The following UBR3 variants were observed in gnomAD, a reference collection of about 807,000 sequenced individuals.
The protein encoded by UBR3 is ubiquitin protein ligase E3 component n-recognin 3, also known as E3 ubiquitin-protein ligase UBR3.
UBR3 carries 85 observed loss-of-function variants against 243.2 expected under a neutral mutation model. The observed-to-expected ratio is 0.35, with a 90% CI of 0.29 to 0.42. The LOEUF (loss-of-function observed/expected upper bound fraction) is 0.42, where lower values mean the gene tolerates loss of function less well. Among genes scored for constraint, UBR3 ranks in the 10% least tolerant of loss-of-function variants. The probability of loss-of-function intolerance (pLI) is 1.00; values close to 1 mark genes in which losing one functional copy is unlikely to be tolerated. For synonymous variants in UBR3, 748 were observed against 799.8 expected, an observed-to-expected ratio of 0.94 and a Z score of 1.09; for missense variants, 1,686 against 2,300.8, an observed-to-expected ratio of 0.73 and a Z score of 5.47.
chr2:169,915,509 T>C (rs1009195529), intron 11 of UBR3, among the ~76,000 whole-genome samples: 20 of 152,222 alleles, frequency 1.3e-4, no homozygotes, highest in Admixed American at 3.9e-4. Context: ...GTGCTGGGAT[T>C]ACCAGTGTGA....
intron 32 of UBR3, among the ~76,000 whole-genome samples, chr2:170,048,362 A>C (rs1294788413): frequency 6.6e-6 from 1 of 152,228 alleles, no homozygotes; most frequent in African/African-American, 2.4e-5. Context: ...TCAGAGGGTC[A>C]AAACCTCACT....
intron 10 of UBR3, among the ~76,000 whole-genome samples, chr2:169,909,450 T>G (rs1185158398): frequency 6.6e-6 from 1 of 152,134 alleles, no homozygotes; most frequent in Non-Finnish European, 1.5e-5. Context: ...CTGAAAAAGT[T>G]GAGCTTATAG....
At chr2:169,958,970 C>T (rs1351602425) in intron 24 of UBR3, among the ~76,000 whole-genome samples, 1 of 152,130 alleles carries the variant, frequency 6.6e-6, no homozygotes, top group Non-Finnish European at 1.5e-5. Context: ...AGAATTTATA[C>T]AGTGAGAGAG....
chr2:169,866,981 T>G (rs908576348), intron 1 of UBR3, among the ~76,000 whole-genome samples: 4 of 152,228 alleles, frequency 2.6e-5, no homozygotes, highest in African/African-American at 4.8e-5. Context: ...GTAACTTTCA[T>G]TAGATTCTCA....
At chr2:170,020,062 T>A (rs1481482412) in intron 30 of UBR3, among the ~76,000 whole-genome samples, 2 of 152,224 alleles carry the variant, frequency 1.3e-5, no homozygotes, top group African/African-American at 2.4e-5. Flanking sequence ...ATTATAGGCA[T>A]GAACCACTAT....
intron 8 of UBR3, among the ~76,000 whole-genome samples, chr2:169,899,689 G>C (rs4668179): frequency 0.98 from 148,385 of 152,026 alleles, 72,507 homozygotes; most frequent in East Asian, 1. Context: ...TGTGATGTCC[G>C]CCTCCCTGTG....
At position 169,884,915 on chromosome 2, in the gene UBR3, A is replaced by G. The variant is rs2084031499; in HGVS notation, c.1039-6250A>G. 2.6e-5 allele frequency among the ~76,000 whole-genome samples: 4 copies of G among 152,352 alleles called. 1 individual carries two copies. Among genetic ancestry groups the G allele is most frequent in the Admixed American group, 2.0e-4 (3 of 15,300 alleles). On this transcript the variant is annotated intron_variant, in intron 5 of 38. Coordinates refer to ENST00000272793, the MANE Select transcript of UBR3 (RefSeq NM_172070.4). ...ATAGAATAGATTAAGGTGAAAATAG[A>G]TGAAGGGATAAGATAGATGGAAAGA...
At chr2:170,075,266 CT>C (rs2091783135) in intron 36 of UBR3, among the ~76,000 whole-genome samples, 1 of 151,948 alleles carries the variant, frequency 6.6e-6, no homozygotes, top group African/African-American at 2.4e-5. Context: ...ATCTTCCTGT[CT>C]AGTAATTTCT....
intron 1 of UBR3, among the ~76,000 whole-genome samples, chr2:169,862,404 G>A (rs997469474): frequency 6.6e-6 from 1 of 152,062 alleles, no homozygotes; most frequent in Admixed American, 6.6e-5. Flanking sequence ...AATATGTATA[G>A]GTGAATTTGG....
At chr2:169,868,196 A>G (rs2083320457) in intron 1 of UBR3, among the ~76,000 whole-genome samples, 1 of 152,174 alleles carries the variant, frequency 6.6e-6, no homozygotes, top group African/African-American at 2.4e-5. Flanking sequence ...CAGTTTCAAC[A>G]AGTAGCAATT....
At chr2:169,922,372 A>G (rs1175601826) in intron 11 of UBR3, among the ~76,000 whole-genome samples, 3 of 151,784 alleles carry the variant, frequency 2.0e-5, no homozygotes, top group Non-Finnish European at 2.9e-5. Flanking sequence ...TGACTTAGCT[A>G]GTTAGTGTAG....
intron 35 of UBR3, among the ~76,000 whole-genome samples, chr2:170,062,504 TAG>T (rs988213006): frequency 1.3e-5 from 2 of 152,236 alleles, no homozygotes; most frequent in African/African-American, 2.4e-5. Flanking sequence ...ACATTCTTTT[TAG>T]AGTTATAAGA....
chr2:170,081,086 C>T (rs771069611), intron 38 of UBR3, among the ~76,000 whole-genome samples: 8 of 152,004 alleles, frequency 5.3e-5, no homozygotes, highest in Non-Finnish European at 8.8e-5. Flanking sequence ...CCCAGCAACT[C>T]GGGAGGAGGT....
At chr2:169,937,092 A>G (rs559305078) in intron 19 of UBR3, among the ~76,000 whole-genome samples, 55 of 152,326 alleles carry the variant, frequency 3.6e-4, no homozygotes, top group Non-Finnish European at 4.7e-4. Context: ...TTGAGGAATC[A>G]CCACACTGAC....
chr2:169,946,832 A>T (rs1488575072), intron 21 of UBR3, among the ~76,000 whole-genome samples: 2 of 152,232 alleles, frequency 1.3e-5, no homozygotes, highest in South Asian at 4.1e-4. Context: ...TTGATTAGGG[A>T]TTATTTTTGA....
At position 169,986,793 on chromosome 2, in the gene UBR3, A is replaced by T. The variant is rs774956850; in HGVS notation, c.3783A>T (p.Ser1261=). The T allele has an allele frequency of 6.2e-7, 1 of 1,613,566 alleles. No individual in the cohort carries two copies. Among genetic ancestry groups the T allele is most frequent in the Middle Eastern group, 1.7e-4 (1 of 6,060 alleles). The change falls in exon 25 of 39, where the codon TCA becomes TCT. Residue 1261 remains serine (S), a splice_region_variant and synonymous_variant. Coordinates refer to ENST00000272793, the MANE Select transcript of UBR3 (RefSeq NM_172070.4). The part of the protein sequence containing the change: ...TGLVVLLQAS[S]VLGQCRDNVE... ...TAGTTGTACTGTTACAAGCATCCTC[A>T]GGTAAAATCAAAGTAATTTTTTCAT... is the stretch of plus-strand genomic sequence containing the variant.
intron 31 of UBR3, among the ~76,000 whole-genome samples, chr2:170,036,985 C>T (rs1400643049): frequency 6.6e-6 from 1 of 152,096 alleles, no homozygotes; most frequent in African/African-American, 2.4e-5. Flanking sequence ...TTTGCAATAT[C>T]TACCTATATT....
intron 18 of UBR3, among the ~76,000 whole-genome samples, chr2:169,929,235 A>G (rs1277310568): frequency 1.3e-5 from 2 of 152,230 alleles, no homozygotes; most frequent in Non-Finnish European, 2.9e-5. Context: ...TTGAAACAGC[A>G]AAAGAATCCT....
chr2:170,081,357 G>A (rs554311467), intron 38 of UBR3, among the ~76,000 whole-genome samples: 9 of 152,032 alleles, frequency 5.9e-5, no homozygotes, highest in East Asian at 1.9e-4. Flanking sequence ...AAAATTAGCC[G>A]GGTGTGGTGG....
Sources: allele counts gnomAD v4.1 joint callset (sites outside exome capture counted in the v4.1 genomes callset), GRCh38; gene constraint gnomAD v4.1.1; transcripts MANE v1.5; gene names NCBI Gene and HGNC (gene_info 2026-07-23, HGNC 2026-07-21).